Variants in RUNX1 observed in about 807,000 individuals in gnomAD.
RUNX1 encodes RUNX family transcription factor 1.
RUNX1 carries 19 observed loss-of-function variants against 42.8 expected under a neutral mutation model. The observed-to-expected ratio is 0.44, with a 90% CI of 0.31 to 0.65. RUNX1 has a LOEUF of 0.65. RUNX1 is among the 30% of genes least tolerant of loss of function. The pLI is 0.07. For synonymous variants in RUNX1, 271 were observed against 289.4 expected (o/e 0.94, Z 0.64); for missense variants, 528 against 672.0 (o/e 0.79, Z 2.37).
intron 2 of RUNX1, among the ~76,000 whole-genome samples, chr21:34,922,043 C>A (rs1459473961): frequency 2.0e-5 from 3 of 152,172 alleles, no homozygotes; most frequent in Non-Finnish European, 4.4e-5. Context: ...ATACTTCCAA[C>A]CCTCCTGATA....
intron 8 of RUNX1, among the ~76,000 whole-genome samples, chr21:34,795,354 C>T (rs540605527): frequency 1.3e-5 from 2 of 152,148 alleles, no homozygotes; most frequent in African/African-American, 2.4e-5. Context: ...CTCGCTCTCT[C>T]GTCTCTTCCA....
intron 2 of RUNX1, among the ~76,000 whole-genome samples, chr21:34,912,969 G>A (rs907107374): frequency 6.6e-6 from 1 of 152,156 alleles, no homozygotes; most frequent in African/African-American, 2.4e-5. Context: ...GATGGCTCAC[G>A]CCTGTAATCC....
intron 2 of RUNX1, among the ~76,000 whole-genome samples, chr21:34,962,145 G>A (rs1056439094): frequency 2.6e-5 from 4 of 152,164 alleles, no homozygotes; most frequent in African/African-American, 9.7e-5. Flanking sequence ...CTCCTGCCTT[G>A]GCCTCCCAAA....
At chr21:34,876,795 C>CT (rs2057820356) in intron 5 of RUNX1, among the ~76,000 whole-genome samples, 2 of 152,210 alleles carry the variant, frequency 1.3e-5, no homozygotes, top group South Asian at 4.1e-4. Context: ...CAGTTATTCT[C>CT]TGACTGATTA....
At chr21:35,017,442 T>A (rs2059167385) in intron 2 of RUNX1, among the ~76,000 whole-genome samples, 1 of 152,044 alleles carries the variant, frequency 6.6e-6, no homozygotes, top group African/African-American at 2.4e-5. Context: ...CACATTTTGG[T>A]TAGGGATCAG....
intron 2 of RUNX1, among the ~76,000 whole-genome samples, chr21:34,983,076 C>G (rs2058859625): frequency 6.6e-6 from 1 of 152,142 alleles, no homozygotes; most frequent in Non-Finnish European, 1.5e-5. Flanking sequence ...TCCATGATGT[C>G]TGGTAGGTTA....
At chr21:35,040,632 C>A (rs529039321) in intron 2 of RUNX1, among the ~76,000 whole-genome samples, 36 of 151,794 alleles carry the variant, frequency 2.4e-4, no homozygotes, top group African/African-American at 8.7e-4. Context: ...ATTAGCCGGG[C>A]GTGGTGGCAC....
chr21:34,856,014 T>A (rs9974106), intron 6 of RUNX1, among the ~76,000 whole-genome samples: 101 of 152,364 alleles, frequency 6.6e-4, no homozygotes, highest in African/African-American at 2.3e-3. Flanking sequence ...AGTTTTGATT[T>A]TCTAAGGGGC....
intron 2 of RUNX1, among the ~76,000 whole-genome samples, chr21:35,043,290 G>A (rs1172709105): frequency 6.6e-6 from 1 of 152,146 alleles, no homozygotes; most frequent in African/African-American, 2.4e-5. Flanking sequence ...TTGGCTGGAG[G>A]CTCAGCAAAA....
At chr21:34,839,998 A>T (rs1308828252) in intron 6 of RUNX1, among the ~76,000 whole-genome samples, 1 of 152,152 alleles carries the variant, frequency 6.6e-6, no homozygotes, top group Non-Finnish European at 1.5e-5. Flanking sequence ...TCTTCAATAC[A>T]CACAGAGCAG....
intron 7 of RUNX1, among the ~76,000 whole-genome samples, chr21:34,805,324 A>G (rs766799760): frequency 2.7e-4 from 41 of 152,376 alleles, no homozygotes; most frequent in Middle Eastern, 3.4e-3. Flanking sequence ...AATGGCTATG[A>G]ATTTTCCAAA....
chr21:34,893,212 A>G (rs914905430), intron 2 of RUNX1, among the ~76,000 whole-genome samples: 2 of 152,218 alleles, frequency 1.3e-5, no homozygotes, highest in African/African-American at 4.8e-5. Context: ...TATCTGTCAT[A>G]GAATCACCTC....
intron 7 of RUNX1, among the ~76,000 whole-genome samples, chr21:34,832,652 T>C (rs1346337101): frequency 4.6e-5 from 7 of 152,178 alleles, no homozygotes; most frequent in African/African-American, 1.4e-4. Flanking sequence ...TCCTTGAGAG[T>C]TGTATCCTCT....
chr21:34,804,889 C>T (rs372749881), intron 7 of RUNX1, among the ~76,000 whole-genome samples: 15 of 152,060 alleles, frequency 9.9e-5, no homozygotes, highest in African/African-American at 3.4e-4. Flanking sequence ...TTACAGGCAC[C>T]TGCCACCACG....
intron 5 of RUNX1, among the ~76,000 whole-genome samples, chr21:34,860,191 TGACA>T (rs1177115973): frequency 6.6e-6 from 1 of 152,238 alleles, no homozygotes; most frequent in African/African-American, 2.4e-5. Flanking sequence ...TATATGTAAC[TGACA>T]GACTGAGATT....
In RUNX1 at chr21:34,807,552, T is replaced by C. The variant is rs539724215; in HGVS notation, c.806-8090A>G. ...TAAACCCTAGGGGCAGCCCTGGTTA[T>C]TTCCCTGGAGGAATTTTTTCCCTCC... On this transcript the variant is annotated intron_variant, in intron 7 of 8. Transcript: ENST00000675419. Among the ~76,000 whole-genome samples, 4 of 152,332 alleles carry C rather than the reference T, an allele frequency of 2.6e-5. No homozygotes were observed. The South Asian group carries it at 8.3e-4, about 32-fold the overall frequency.
chr21:34,977,824 G>T (rs2058814382), intron 2 of RUNX1, among the ~76,000 whole-genome samples: 1 of 152,130 alleles, frequency 6.6e-6, no homozygotes, highest in East Asian at 1.9e-4. Flanking sequence ...GTGACCTATT[G>T]CTATGTAAGG....
In RUNX1 at chr21:34,788,365, T is replaced by C; in HGVS notation, c.*3770A>G. ...AAATAACCAACAGTTCTTTTTCTTT[T>C]TTTGCACATTCATTTCCCCTAGAAC... On this transcript the variant is annotated 3_prime_UTR_variant, in exon 9 of 9. Coordinates refer to ENST00000675419, the MANE Select transcript of RUNX1 (RefSeq NM_001754.5). The C allele has an allele frequency of 4.3e-6, 1 of 233,458 alleles. No individual in the cohort carries two copies. The highest frequency in any genetic ancestry group is 6.1e-5 in the East Asian group (1 of 16,492). 14.5% of individuals were successfully genotyped at this position (233,458 alleles called of 1,614,324 possible).
At chr21:34,883,326 T>G (rs1313874076) in intron 4 of RUNX1, among the ~76,000 whole-genome samples, 1 of 151,004 alleles carries the variant, frequency 6.6e-6, no homozygotes, top group East Asian at 1.9e-4. Context: ...TCTCTGAGGG[T>G]TTTTTTTTGG....
Sources: allele counts gnomAD v4.1 joint callset (sites outside exome capture counted in the v4.1 genomes callset), GRCh38; gene constraint gnomAD v4.1.1; transcripts MANE v1.5; gene names NCBI Gene and HGNC (gene_info 2026-07-23, HGNC 2026-07-21).